The following SP4 variants were observed in gnomAD, a reference collection of about 807,000 sequenced individuals.
SP4 encodes the protein transcription factor Sp4.
Under a neutral mutation model 72.8 loss-of-function variants are expected in SP4, and 19 were observed. The observed-to-expected ratio is 0.26, with a 90% CI of 0.18 to 0.38. The LOEUF is 0.38. SP4 is among the 10% of genes least tolerant of loss of function. The pLI, the probability that SP4 is intolerant of heterozygous loss-of-function variation, is 1.00. For synonymous variants in SP4, 395 were observed against 333.1 expected (o/e 1.19, Z -2.02); for missense variants, 1,008 against 926.3 (o/e 1.09, Z -1.14).
chr7:21,493,502 A>G (rs985390837), intron 5 of SP4, among the ~76,000 whole-genome samples: 5 of 152,284 alleles, frequency 3.3e-5, no homozygotes, highest in African/African-American at 1.2e-4. Context: ...TGAAGAGCCA[A>G]TTAAATTCAA....
At chr7:21,450,156 G>A (rs1055370862) in intron 3 of SP4, among the ~76,000 whole-genome samples, 2 of 151,912 alleles carry the variant, frequency 1.3e-5, no homozygotes, top group African/African-American at 4.8e-5. Flanking sequence ...TGTAAGCTTG[G>A]AAACTTGCAG....
At position 21,490,325 on chromosome 7, in the gene SP4, A is replaced by G. The variant is rs371795341; in HGVS notation, c.2107+8202A>G. Among the ~76,000 whole-genome samples the G allele has an allele frequency of 1.1e-3, 164 of 152,336 alleles. 1 individual carries two copies. The highest frequency in any genetic ancestry group is 3.8e-3 in the African/African-American group (159 of 41,576). On this transcript the variant is annotated intron_variant, in intron 5 of 5. Transcript: ENST00000222584. ...CCTCTTGTATCTAACCAGAAAAGCA[A>G]GAAAAGGGGCCTTTTGCTCCAAAAC...
In SP4 at chr7:21,429,362, C is replaced by G; in HGVS notation, c.197C>G (p.Ala66Gly). The change falls in exon 3 of 6, where the codon GCA becomes GGA. Residue 66 changes from alanine (A) to glycine (G), a missense_variant. Ala to Gly is a moderately conservative substitution (Grantham distance 60). This residue lies in a region of SP4 where 893 missense variants were observed against 743.3 expected (regional missense o/e 1.20). Coordinates refer to ENST00000222584, the MANE Select transcript of SP4 (RefSeq NM_003112.5). ...SKIGTPGENQ[A>G]TGQQQIIIDP... ...ATAGGGACTCCTGGTGAAAATCAAG[C>G]AACTGGACAACAACAAATTATTATA... 6.2e-7 allele frequency: 1 copy of G among 1,613,872 alleles called. No homozygotes were observed. The highest frequency in any genetic ancestry group is 8.5e-7 in the Non-Finnish European group (1 of 1,179,952).
rs987888921 is a variant in SP4 at position 21,428,728 on chromosome 7, CAGA to C, written c.62_64del (p.Glu21del). 1.3e-5 allele frequency: 20 copies of C among 1,554,264 alleles called. No homozygotes were observed. In the Admixed American group the frequency reaches 3.3e-4, roughly 26 times the overall value. ...GCGGCAGCGGCAGCGGCGATGGCTA[CAGA>C]AGGAGGGAAAACCTCTGAGCCAGAG... is the stretch of plus-strand genomic sequence containing the variant. On this transcript the variant is annotated inframe_deletion, in exon 2 of 6. Coordinates refer to ENST00000222584, the MANE Select transcript of SP4 (RefSeq NM_003112.5).
chr7:21,452,198 T>C (rs1783620881), intron 3 of SP4, among the ~76,000 whole-genome samples: 1 of 152,240 alleles, frequency 6.6e-6, no homozygotes, highest in Non-Finnish European at 1.5e-5. Flanking sequence ...GAACAAATTA[T>C]GATAGGACTG....
chr7:21,488,861 A>G (rs1784896496), intron 5 of SP4, among the ~76,000 whole-genome samples: 1 of 152,188 alleles, frequency 6.6e-6, no homozygotes, highest in Non-Finnish European at 1.5e-5. Flanking sequence ...GCACACTTTT[A>G]TGTTACATGT....
At chr7:21,475,899 T>C (rs761037365) in intron 3 of SP4, among the ~76,000 whole-genome samples, 1 of 152,196 alleles carries the variant, frequency 6.6e-6, no homozygotes, top group Non-Finnish European at 1.5e-5. Flanking sequence ...TGGTATTTTC[T>C]TTTCAGTCCA....
At chr7:21,445,656 G>A (rs1008538348) in intron 3 of SP4, among the ~76,000 whole-genome samples, 10 of 152,056 alleles carry the variant, frequency 6.6e-5, no homozygotes, top group Admixed American at 1.3e-4. Context: ...GAAAATCAAG[G>A]CTTAGAAAGT....
In SP4 at chr7:21,513,021, T is replaced by C. The variant is rs189573603; in HGVS notation, c.*1752T>C. The C allele has an allele frequency of 6.5e-6, 1 of 152,738 alleles. No homozygotes were observed. The highest frequency in any genetic ancestry group is 1.5e-5 in the Non-Finnish European group (1 of 68,010). The allele number at this position is 152,738 out of a possible 1,614,324, so 9.5% of individuals were successfully genotyped here. The stretch of plus-strand genomic sequence containing the variant: ...AATTGACCATTTGAAAACTAAAAGT[T>C]TTTACCTACCTGCTCAATTTATTAA... On this transcript the variant is annotated 3_prime_UTR_variant, in exon 6 of 6. Coordinates refer to ENST00000222584, the MANE Select transcript of SP4 (RefSeq NM_003112.5).
At chr7:21,457,732 C>T (rs575206226) in intron 3 of SP4, among the ~76,000 whole-genome samples, 9 of 151,808 alleles carry the variant, frequency 5.9e-5, no homozygotes, top group Non-Finnish European at 1.2e-4. Context: ...AAGGGGTAAG[C>T]GGTATGACCA....
chr7:21,500,012 T>C (rs913594051), intron 5 of SP4, among the ~76,000 whole-genome samples: 1 of 152,212 alleles, frequency 6.6e-6, no homozygotes, highest in African/African-American at 2.4e-5. Flanking sequence ...GAAATTACTG[T>C]TAAGAATATT....
At chr7:21,487,956 C>T (rs1315063088) in intron 5 of SP4, among the ~76,000 whole-genome samples, 1 of 152,084 alleles carries the variant, frequency 6.6e-6, no homozygotes, top group Non-Finnish European at 1.5e-5. Flanking sequence ...CTCCACCTCC[C>T]AGGCTCAAGT....
At chr7:21,439,759 G>C (rs1435100635) in intron 3 of SP4, among the ~76,000 whole-genome samples, 3 of 152,142 alleles carry the variant, frequency 2.0e-5, no homozygotes, top group Non-Finnish European at 4.4e-5. Flanking sequence ...TCAGCTGGAT[G>C]TGGTGGCCCA....
In SP4 at chr7:21,513,925, T is replaced by G. The variant is rs961883505; in HGVS notation, c.*2656T>G. The G allele has an allele frequency of 1.3e-5, 2 of 152,522 alleles. No homozygotes were observed. The highest frequency in any genetic ancestry group is 2.4e-5 in the African/African-American group (1 of 41,468). 9.4% of individuals were successfully genotyped at this position (152,522 alleles called of 1,614,324 possible). A position where few individuals can be genotyped will look rare whatever the true frequency, so the allele number is the denominator to read the frequency against. The stretch of plus-strand genomic sequence containing the variant: ...TTTCTGTCTTTAGAAGAATCGTAAA[T>G]TTCAGTGTCCTTTATTTGACTCAGT... On this transcript the variant is annotated 3_prime_UTR_variant, in exon 6 of 6. Coordinates refer to ENST00000222584, the MANE Select transcript of SP4 (RefSeq NM_003112.5).
At chr7:21,444,873 C>T (rs1333126344) in intron 3 of SP4, among the ~76,000 whole-genome samples, 3 of 152,128 alleles carry the variant, frequency 2.0e-5, no homozygotes, top group Non-Finnish European at 2.9e-5. Flanking sequence ...CTAACCACTA[C>T]TACTTTAAGT....
At chr7:21,507,948 C>T (rs114922667) in intron 5 of SP4, among the ~76,000 whole-genome samples, 1,688 of 152,096 alleles carry the variant, frequency 0.011, 25 homozygotes, top group African/African-American at 0.038. Context: ...ACATCTCAGT[C>T]ACACACACTC....
At chr7:21,444,623 G>A (rs549674311) in intron 3 of SP4, among the ~76,000 whole-genome samples, 1 of 152,282 alleles carries the variant, frequency 6.6e-6, no homozygotes, top group South Asian at 2.1e-4. Context: ...TATGGACTCA[G>A]TTTATTGTTT....
intron 3 of SP4, among the ~76,000 whole-genome samples, chr7:21,436,858 C>T (rs1347370696): frequency 6.6e-6 from 1 of 152,148 alleles, no homozygotes; most frequent in Admixed American, 6.5e-5. Context: ...TTTCTCCCAC[C>T]TTCTTTCCTT....
intron 5 of SP4, among the ~76,000 whole-genome samples, chr7:21,496,638 G>A (rs1450169367): frequency 4.0e-5 from 6 of 151,872 alleles, no homozygotes; most frequent in Non-Finnish European, 7.4e-5. Context: ...TAACCTACTC[G>A]GAGTTCATTG....
Sources: gnomAD v4.1 joint callset for allele counts (sites outside exome capture counted in the v4.1 genomes callset) on GRCh38, gnomAD v4.1.1 for gene constraint, gnomAD v4.1.1 regional missense constraint, MANE v1.5 for transcripts, NCBI Gene and HGNC (gene_info 2026-07-23, HGNC 2026-07-21) for gene names.